Variants in SLC45A4 observed in about 807,000 individuals in gnomAD.
SLC45A4 encodes solute carrier family 45 member 4, also known as polyamine-transporter SLC45A4.
Under a neutral mutation model 63.7 loss-of-function variants are expected in SLC45A4, and 32 were observed. That is an observed-to-expected ratio of 0.50 (90% CI 0.38 to 0.67). The LOEUF (loss-of-function observed/expected upper bound fraction) is 0.67, where lower values mean the gene tolerates loss of function less well. SLC45A4 is among the 30% of genes least tolerant of loss of function. The pLI is 0.00. For synonymous variants in SLC45A4, 535 were observed against 510.0 expected, an observed-to-expected ratio of 1.05 and a Z score of -0.66; for missense variants, 1,027 against 1,157.7, an observed-to-expected ratio of 0.89 and a Z score of 1.64.
At chr8:141,235,413 T>C (rs1368117304) in intron 2 of SLC45A4, among the ~76,000 whole-genome samples, 1 of 152,186 alleles carries the variant, frequency 6.6e-6, no homozygotes, top group Non-Finnish European at 1.5e-5. Flanking sequence ...TCGGCTGTCA[T>C]GGTCTAGCAA....
At chr8:141,302,687 G>C (rs775666367) in intron 1 of SLC45A4, among the ~76,000 whole-genome samples, 12 of 152,152 alleles carry the variant, frequency 7.9e-5, no homozygotes, top group Non-Finnish European at 1.6e-4. Context: ...TTGCTTGACA[G>C]CAATGTAACT....
At chr8:141,228,433 G>C (rs375430639) in intron 2 of SLC45A4, 4 of 1,412,814 alleles carry the variant, frequency 2.8e-6, no homozygotes, top group Non-Finnish European at 3.7e-6. Context: ...GGAACATTCC[G>C]CAGCTGCTGT....
chr8:141,302,066 G>C (rs149539069), intron 1 of SLC45A4, among the ~76,000 whole-genome samples: 200 of 152,196 alleles, frequency 1.3e-3, no homozygotes, highest in Middle Eastern at 6.8e-3. Context: ...AGAACAATTT[G>C]TTCATTTTTT....
chr8:141,305,929 C>G (rs1443806632), intron 1 of SLC45A4, among the ~76,000 whole-genome samples: 2 of 152,234 alleles, frequency 1.3e-5, no homozygotes, highest in Non-Finnish European at 2.9e-5. Context: ...CCTCTCCTTC[C>G]CTGCAGATCT....
Position 141,256,324 on chromosome 8 carries a change from A to G in SLC45A4, c.-400-1695T>C. 2 of 337,044 alleles carry G rather than the reference A, an allele frequency of 5.9e-6. No individual in the cohort carries two copies. Among genetic ancestry groups the G allele is most frequent in the Non-Finnish European group, 1.2e-5 (2 of 168,574 alleles). The allele number at this position is 337,044 out of a possible 1,614,324, so 20.9% of individuals were successfully genotyped here. A position where few individuals can be genotyped will look rare whatever the true frequency, so the allele number is the denominator to read the frequency against. ...TCACAGTTTATATTAAGGTAGGTCTATGGGCCAATACCTTACTGAGAATTT... is the reference window on the plus strand; with the variant it reads ...TCACAGTTTATATTAAGGTAGGTCTGTGGGCCAATACCTTACTGAGAATTT... On this transcript the variant is annotated intron_variant, in intron 1 of 8. Coordinates refer to ENST00000517878, the MANE Select transcript of SLC45A4 (RefSeq NM_001286646.2). The surrounding 1 kb of genome is among the most constrained non-coding windows in gnomAD (Gnocchi z 4.3).
At chr8:141,301,131 G>A (rs1013127813) in intron 1 of SLC45A4, among the ~76,000 whole-genome samples, 3 of 152,120 alleles carry the variant, frequency 2.0e-5, no homozygotes, top group Non-Finnish European at 2.9e-5. Context: ...TGCCTGCCCC[G>A]CCTAGACAAG....
intron 1 of SLC45A4, among the ~76,000 whole-genome samples, chr8:141,258,010 C>T (rs1028273688): frequency 2.0e-5 from 3 of 149,948 alleles, no homozygotes; most frequent in Non-Finnish European, 4.4e-5. Context: ...TCCGGGATTT[C>T]GGGCCACAGA....
chr8:141,267,428 C>A (rs1009533644), intron 1 of SLC45A4, among the ~76,000 whole-genome samples: 1 of 152,236 alleles, frequency 6.6e-6, no homozygotes, highest in Non-Finnish European at 1.5e-5. Flanking sequence ...AAGCCCTGTG[C>A]GGGCAAGAAT....
At chr8:141,294,924 A>C (rs1173460292) in intron 1 of SLC45A4, among the ~76,000 whole-genome samples, 2 of 152,194 alleles carry the variant, frequency 1.3e-5, no homozygotes, top group African/African-American at 4.8e-5. Context: ...CTCAGCTCGA[A>C]GGTGAGGAAA....
At chr8:141,296,217 G>GAGAAACCTTGGGGCAAA in intron 1 of SLC45A4, among the ~76,000 whole-genome samples, 1 of 152,150 alleles carries the variant, frequency 6.6e-6, no homozygotes, top group Admixed American at 6.5e-5. Flanking sequence ...TGCAATCCCA[G>GAGAAACCTTGGGGCAAA]CTACTCAGGA....
At chr8:141,224,027 A>G (rs2154614129) in intron 2 of SLC45A4, among the ~76,000 whole-genome samples, 1 of 149,920 alleles carries the variant, frequency 6.7e-6, no homozygotes, top group African/African-American at 2.4e-5. Flanking sequence ...AGCATTTCTA[A>G]TAGGAGGGGC....
At chr8:141,239,746 C>A (rs73713391) in intron 2 of SLC45A4, among the ~76,000 whole-genome samples, 3,115 of 152,278 alleles carry the variant, frequency 0.02, 105 homozygotes, top group African/African-American at 0.069. Flanking sequence ...GTTTTAGAGA[C>A]AACACGCTGA....
intron 1 of SLC45A4, among the ~76,000 whole-genome samples, chr8:141,306,980 A>G (rs1409120368): frequency 1.3e-5 from 2 of 152,228 alleles, no homozygotes; most frequent in African/African-American, 4.8e-5. Context: ...CAGCTGAGGT[A>G]TCAGATGGGG....
chr8:141,226,123 T>G (rs930423795), intron 2 of SLC45A4: 13 of 152,316 alleles, frequency 8.5e-5, no homozygotes, highest in Admixed American at 4.6e-4. Flanking sequence ...GACATCGTGA[T>G]TTTAACTTTA....
intron 2 of SLC45A4, among the ~76,000 whole-genome samples, chr8:141,231,897 C>A (rs936343072): frequency 6.6e-6 from 1 of 151,224 alleles, no homozygotes; most frequent in African/African-American, 2.5e-5. Context: ...GATCAGGAGA[C>A]CCCACTTCAG....
chr8:141,249,695 T>C, intron 2 of SLC45A4, among the ~76,000 whole-genome samples: 1 of 152,138 alleles, frequency 6.6e-6, no homozygotes, highest in Non-Finnish European at 1.5e-5. Flanking sequence ...TATTTCCAAA[T>C]CCAATCATAA....
chr8:141,250,147 A>G (rs191012420), intron 2 of SLC45A4, among the ~76,000 whole-genome samples: 1 of 152,318 alleles, frequency 6.6e-6, no homozygotes, highest in East Asian at 1.9e-4. Context: ...TTCAATATGC[A>G]CTACATATAT....
chr8:141,281,091 C>A (rs1205132564), intron 1 of SLC45A4, among the ~76,000 whole-genome samples: 54 of 152,244 alleles, frequency 3.5e-4, no homozygotes. Flanking sequence ...GTAATCCCAG[C>A]ACTTTGGGAG....
At chr8:141,302,631 G>C (rs558329417) in intron 1 of SLC45A4, among the ~76,000 whole-genome samples, 1 of 152,152 alleles carries the variant, frequency 6.6e-6, no homozygotes, top group Non-Finnish European at 1.5e-5. Flanking sequence ...CGCGGCAGGC[G>C]TAAAGTTATT....
Sources: allele counts gnomAD v4.1 joint callset (sites outside exome capture counted in the v4.1 genomes callset), GRCh38; gene constraint gnomAD v4.1.1; non-coding constraint Gnocchi (gnomAD v3.1); transcripts MANE v1.5; gene names NCBI Gene and HGNC (gene_info 2026-07-23, HGNC 2026-07-21).